PTCD1: variants seen among roughly 807,000 people sequenced by gnomAD.
The protein encoded by PTCD1 is pentatricopeptide repeat-containing protein 1, mitochondrial.
PTCD1 carries 50 observed loss-of-function variants against 53.4 expected under a neutral mutation model. That is an observed-to-expected ratio of 0.94 (90% confidence interval 0.75 to 1.19). The LOEUF (loss-of-function observed/expected upper bound fraction) is 1.19. Among genes scored for constraint, PTCD1 ranks in the 50% most tolerant of loss-of-function variants. The pLI is 0.00. For synonymous variants in PTCD1, 413 were observed against 394.8 expected (o/e 1.05, Z -0.55); for missense variants, 918 against 904.8 (o/e 1.01, Z -0.19).
intron 1 of PTCD1, chr7:99,438,461 C>T (rs1037303108): frequency 9.6e-7 from 1 of 1,042,234 alleles, no homozygotes; most frequent in Non-Finnish European, 1.2e-6. Flanking sequence ...CGAGAAAAAA[C>T]CCTGAATTAG....
rs187457580 is a variant in PTCD1, at chr7:99,419,724, A to G, written c.*243T>C. The G allele has an allele frequency of 2.8e-6, 2 of 719,578 alleles. No homozygotes were observed. The highest frequency in any genetic ancestry group is 4.5e-6 in the Non-Finnish European group (2 of 444,836). 44.6% of individuals were successfully genotyped at this position (719,578 alleles called of 1,614,324 possible). On this transcript the variant is annotated 3_prime_UTR_variant, in exon 8 of 8. Coordinates refer to ENST00000292478, the MANE Select transcript of PTCD1 (RefSeq NM_015545.4). The stretch of plus-strand genomic sequence containing the variant: ...CCTTGTGGTGTGTGAGGTGACACAC[A>G]AAGGTAGCTGGAGCTGGAAGTCCCG...
At chr7:99,420,200 C>T (rs1483219182) in intron 7 of PTCD1, 51 bp from the exon 8 acceptor site, 3 of 1,611,848 alleles carry the variant, frequency 1.9e-6, no homozygotes, top group Non-Finnish European at 2.5e-6. Context: ...TACAGCTAAT[C>T]CCAAACCTCG....
At chr7:99,432,449 G>A (rs1227880461) in intron 3 of PTCD1, among the ~76,000 whole-genome samples, 3 of 152,186 alleles carry the variant, frequency 2.0e-5, no homozygotes, top group Non-Finnish European at 4.4e-5. Flanking sequence ...ACTTATTTAT[G>A]ACACAGAGAC....
Position 99,435,023 on chromosome 7 carries a change from T to TG in PTCD1, c.219dup (p.Asn74GlnfsTer21), listed in dbSNP as rs1796406180. On this transcript the variant is annotated frameshift_variant, in exon 2 of 8. Coordinates refer to ENST00000292478, the MANE Select transcript of PTCD1 (RefSeq NM_015545.4). LOFTEE classifies it high-confidence loss of function. ...TCTTCTTCCTGCGTGGCCGTGGAGTTGGAGTGGCTCGGGTCAGAGCCCAGG... is the reference window on the plus strand; with the variant it reads ...TCTTCTTCCTGCGTGGCCGTGGAGTTGGGAGTGGCTCGGGTCAGAGCCCAGG... 1.2e-6 allele frequency: 2 copies of TG among 1,614,052 alleles called. No individual in the cohort carries two copies. Among genetic ancestry groups the TG allele is most frequent in the East Asian group, 4.5e-5 (2 of 44,880 alleles).
At chr7:99,428,934 T>C (rs1796159701) in intron 5 of PTCD1, among the ~76,000 whole-genome samples, 169 bp downstream of exon 5, 1 of 151,972 alleles carries the variant, frequency 6.6e-6, no homozygotes, top group Non-Finnish European at 1.5e-5. Context: ...AAGGGCCTCC[T>C]CTCCCTGCCA....
chr7:99,421,647 C>T (rs1795828607), intron 7 of PTCD1, among the ~76,000 whole-genome samples: 1 of 150,698 alleles, frequency 6.6e-6, no homozygotes, highest in Admixed American at 6.6e-5. Context: ...CCCAGCAACT[C>T]GGGAGGCTGA....
intron 3 of PTCD1, 49 bp downstream of exon 3, chr7:99,433,229 C>T (rs1191859032): frequency 6.2e-7 from 1 of 1,613,982 alleles, no homozygotes; most frequent in South Asian, 1.1e-5. Context: ...TTGGGATCCG[C>T]CCCCAGCTTT....
Position 99,438,418 on chromosome 7 carries a change from T to C in PTCD1, c.-27+274A>G, listed in dbSNP as rs1796581204. ...AGAAGTTGACTGCAGTGAGCTATGA[T>C]CGTACCCCTGTACTCCAGCCTGGGC... is the stretch of plus-strand genomic sequence containing the variant. On this transcript the variant is annotated intron_variant, in intron 1 of 7. Coordinates refer to ENST00000292478, the MANE Select transcript of PTCD1 (RefSeq NM_015545.4). 1.4e-5 allele frequency: 10 copies of C among 712,134 alleles called. No individual in the cohort carries two copies. In the South Asian group the frequency reaches 3.0e-4, roughly 21 times the overall value. 44.1% of individuals were successfully genotyped at this position (712,134 alleles called of 1,614,324 possible).
rs1401393785 is a variant in PTCD1, at chr7:99,424,906, C to T, written c.1626G>A (p.Leu542=). The change falls in exon 6 of 8, where the codon CTG becomes CTA. Residue 542 remains leucine (L), a synonymous_variant. Transcript: ENST00000292478. The part of the protein sequence containing the change: ...KLGDLEGAKA[L]LPVLAKRGLV... ...GGCCCCTCTTTGCCAGGACCGGCAA[C>T]AGCGCCTTGGCCCCCTCCAGGTCTC... is the stretch of plus-strand genomic sequence containing the variant. 6.2e-7 allele frequency: 1 copy of T among 1,614,166 alleles called. No homozygotes were observed. The highest frequency in any genetic ancestry group is 8.5e-7 in the Non-Finnish European group (1 of 1,180,066).
At chr7:99,429,940 A>G in intron 3 of PTCD1, 134 bp from the exon 4 acceptor site, 1 of 1,123,174 alleles carries the variant, frequency 8.9e-7, no homozygotes, top group Non-Finnish European at 1.3e-6. Flanking sequence ...AGGCAGAGCC[A>G]TGGACACATC....
At chr7:99,433,155 G>C in intron 3 of PTCD1, 123 bp downstream of exon 3, 1 of 1,471,506 alleles carries the variant, frequency 6.8e-7, no homozygotes, top group South Asian at 1.1e-5. Flanking sequence ...ATTTTAAGGA[G>C]ATGACTCTGA....
chr7:99,427,163 G>A (rs1282637819), intron 5 of PTCD1, among the ~76,000 whole-genome samples: 4 of 145,928 alleles, frequency 2.7e-5, no homozygotes, highest in South Asian at 2.2e-4. Flanking sequence ...CAGCCGCCCC[G>A]TCCGGGAGGG....
intron 2 of PTCD1, among the ~76,000 whole-genome samples, chr7:99,434,346 T>C (rs1215306730): frequency 6.6e-6 from 1 of 151,312 alleles, no homozygotes; most frequent in East Asian, 2.0e-4. Context: ...CTCAGGATGT[T>C]GAGATGGGAG....
intron 2 of PTCD1, among the ~76,000 whole-genome samples, chr7:99,434,450 A>G (rs1796381611): frequency 6.6e-6 from 1 of 151,912 alleles, no homozygotes; most frequent in African/African-American, 2.4e-5. Context: ...TCCTGTTATA[A>G]AAAAAACCTA....
At chr7:99,423,718 G>C (rs1795913607) in intron 7 of PTCD1, 57 bp downstream of exon 7, 2 of 1,611,224 alleles carry the variant, frequency 1.2e-6, no homozygotes, top group Non-Finnish European at 1.7e-6. Flanking sequence ...TGGGTGGTGG[G>C]GGGAGGGGGT....
At chr7:99,437,806 A>G (rs887501489) in intron 1 of PTCD1, among the ~76,000 whole-genome samples, 1 of 152,120 alleles carries the variant, frequency 6.6e-6, no homozygotes, top group African/African-American at 2.4e-5. Flanking sequence ...CTGGGATTAC[A>G]GGAACGCGCC....
Position 99,423,967 on chromosome 7 carries a change from A to C in PTCD1, c.1738-10T>G. Reference sequence around the variant, plus strand: ...GGGTCACCTGGGACTTCTAGAACACAGGGACATCGTAGAATCAAGATGATG... The same window carrying C: ...GGGTCACCTGGGACTTCTAGAACACCGGGACATCGTAGAATCAAGATGATG... On this transcript the variant is annotated splice_polypyrimidine_tract_variant and intron_variant, in intron 6 of 7. Coordinates refer to ENST00000292478, the MANE Select transcript of PTCD1 (RefSeq NM_015545.4). 1 of 1,613,772 alleles carries C rather than the reference A, an allele frequency of 6.2e-7. No homozygotes were observed. The highest frequency in any genetic ancestry group is 2.2e-5 in the East Asian group (1 of 44,872).
chr7:99,424,687 G>T, intron 6 of PTCD1, 108 bp downstream of exon 6: 1 of 1,439,910 alleles, frequency 6.9e-7, no homozygotes, highest in Non-Finnish European at 9.5e-7. Flanking sequence ...CCCATGCACA[G>T]TTCATCCTCT....
intron 4 of PTCD1, 129 bp from the exon 5 acceptor site, chr7:99,429,333 C>A: frequency 7.9e-7 from 1 of 1,271,774 alleles, no homozygotes; most frequent in South Asian, 1.2e-5. Context: ...GTTTTGTGAC[C>A]AGCCTGGGCA....
Sources: allele counts gnomAD v4.1 joint callset (sites outside exome capture counted in the v4.1 genomes callset), GRCh38; gene constraint gnomAD v4.1.1; transcripts MANE v1.5; gene names NCBI Gene and HGNC (gene_info 2026-07-23, HGNC 2026-07-21).